MAPKAPK5: variants seen among roughly 807,000 people sequenced by gnomAD.
MAPKAPK5 encodes the protein MAPK activated protein kinase 5, also known as MAP kinase-activated protein kinase 5.
Under a neutral mutation model 65.1 loss-of-function variants are expected in MAPKAPK5, and 30 were observed. The ratio of observed to expected loss-of-function variants is 0.46; its 90% CI spans 0.34 to 0.63. The LOEUF (loss-of-function observed/expected upper bound fraction) is 0.63. MAPKAPK5 is among the 20% of genes least tolerant of loss of function. The pLI, the probability that MAPKAPK5 is intolerant of heterozygous loss-of-function variation, is 0.01. For synonymous variants in MAPKAPK5, 179 were observed against 204.6 expected (o/e 0.87, Z 1.07); for missense variants, 433 against 581.4 (o/e 0.74, Z 2.63).
intron 1 of MAPKAPK5, among the ~76,000 whole-genome samples, chr12:111,859,033 T>C (rs1382507680): frequency 5.4e-5 from 8 of 147,846 alleles, no homozygotes; most frequent in African/African-American, 2.0e-4. Flanking sequence ...AACTACTTGC[T>C]CAATCTAGTA....
intron 1 of MAPKAPK5, among the ~76,000 whole-genome samples, chr12:111,853,161 C>T (rs748618747): frequency 3.3e-5 from 5 of 151,658 alleles, no homozygotes; most frequent in Admixed American, 6.6e-5. Flanking sequence ...GTCAGGGGAT[C>T]GAGTCCATCC....
At chr12:111,889,093 T>C (rs2070514755) in intron 12 of MAPKAPK5, 93 bp downstream of exon 12, 1 of 1,378,804 alleles carries the variant, frequency 7.3e-7, no homozygotes, top group African/African-American at 1.4e-5. Context: ...GCAAAAGGAA[T>C]GGTTTAATTT....
chr12:111,884,039 A>G (rs1246288669), intron 9 of MAPKAPK5, among the ~76,000 whole-genome samples: 1 of 152,154 alleles, frequency 6.6e-6, no homozygotes, highest in Non-Finnish European at 1.5e-5. Context: ...CATTAATTCA[A>G]GACCCTAAAT....
chr12:111,873,759 G>T (rs567301266), intron 7 of MAPKAPK5, among the ~76,000 whole-genome samples: 2 of 152,226 alleles, frequency 1.3e-5, no homozygotes, highest in South Asian at 4.1e-4. Context: ...CATTATTGTA[G>T]CTTTATATTA....
At chr12:111,879,985 C>T in intron 7 of MAPKAPK5, 1 of 202,030 alleles carries the variant, frequency 4.9e-6, no homozygotes, top group East Asian at 1.1e-4. Flanking sequence ...AGTTCCTCCT[C>T]ATGGGACATT....
chr12:111,870,189 T>G, intron 5 of MAPKAPK5, 82 bp from the exon 6 acceptor site: 1 of 879,480 alleles, frequency 1.1e-6, no homozygotes, highest in Non-Finnish European at 1.7e-6. Context: ...GCTTGTTTTT[T>G]GACATCCTGA....
intron 1 of MAPKAPK5, among the ~76,000 whole-genome samples, chr12:111,862,171 G>C (rs2069462181): frequency 1.3e-5 from 2 of 152,176 alleles, no homozygotes; most frequent in Non-Finnish European, 2.9e-5. Context: ...TTTTGGCCCA[G>C]TTGGGCTCAG....
chr12:111,884,152 C>T (rs993307802), intron 9 of MAPKAPK5, among the ~76,000 whole-genome samples: 7 of 152,282 alleles, frequency 4.6e-5, no homozygotes, highest in East Asian at 1.9e-4. Flanking sequence ...CAAACAGCAT[C>T]CTTGGATGCT....
In MAPKAPK5 at chr12:111,888,990, C is replaced by A; in HGVS notation, c.1206C>A (p.Leu402=). 6.3e-7 allele frequency: 1 copy of A among 1,582,340 alleles called. No homozygotes were observed. The highest frequency in any genetic ancestry group is 8.6e-7 in the Non-Finnish European group (1 of 1,163,776). ...KLRDVIAQCI[L]PQAGENEDEK... is the part of the protein sequence containing the mutation. ...GAGATGTGATTGCTCAGTGTATTCTCCCCCAGGCTGGTAAAGGTCACACCA... is the reference window on the plus strand; with the variant it reads ...GAGATGTGATTGCTCAGTGTATTCTACCCCAGGCTGGTAAAGGTCACACCA... The change falls in exon 12 of 14, where the codon CTC becomes CTA. Residue 402 remains leucine (L), a synonymous_variant. Coordinates refer to ENST00000550735, the MANE Select transcript of MAPKAPK5 (RefSeq NM_003668.4).
rs754301218 is a variant in MAPKAPK5, at chr12:111,871,188, T to C, written c.579+8T>C. ...TATTATGTAGCACCCCAGGTAAGCA[T>C]GTGCGGTTTCTGTCCTAAGATCTGT... On this transcript the variant is annotated splice_region_variant and intron_variant, in intron 7 of 13. Coordinates refer to ENST00000550735, the MANE Select transcript of MAPKAPK5 (RefSeq NM_003668.4). 1.2e-6 allele frequency: 2 copies of C among 1,611,508 alleles called. No individual in the cohort carries two copies. Among genetic ancestry groups the C allele is most frequent in the Non-Finnish European group, 1.7e-6 (2 of 1,178,236 alleles).
At chr12:111,875,987 C>G (rs2069949452) in intron 7 of MAPKAPK5, among the ~76,000 whole-genome samples, 1 of 152,014 alleles carries the variant, frequency 6.6e-6, no homozygotes, top group Admixed American at 6.6e-5. Context: ...GGGTGGATCA[C>G]TTGAGGTCAG....
At chr12:111,844,865 G>A (rs2068856393) in intron 1 of MAPKAPK5, among the ~76,000 whole-genome samples, 1 of 152,210 alleles carries the variant, frequency 6.6e-6, no homozygotes, top group African/African-American at 2.4e-5. Context: ...GTAGAAGCAG[G>A]TGTAGTGTGA....
At chr12:111,869,399 G>A (rs532511698) in intron 5 of MAPKAPK5, among the ~76,000 whole-genome samples, 1 of 152,222 alleles carries the variant, frequency 6.6e-6, no homozygotes, top group Admixed American at 6.5e-5. Context: ...AATGATTTAT[G>A]TCACAAACAA....
At chr12:111,843,668 A>C (rs111950630) in intron 1 of MAPKAPK5, among the ~76,000 whole-genome samples, 2 of 152,372 alleles carry the variant, frequency 1.3e-5, no homozygotes, top group African/African-American at 4.8e-5. Context: ...GACAGTTACT[A>C]GTAATGATTA....
At chr12:111,865,864 T>C (rs577903079) in intron 2 of MAPKAPK5, among the ~76,000 whole-genome samples, 2 of 140,622 alleles carry the variant, frequency 1.4e-5, no homozygotes, top group Admixed American at 7.1e-5. Context: ...AAAAAGGGTG[T>C]CGAGACTGTG....
rs1055919552 is a variant in MAPKAPK5 at position 111,900,049 on chromosome 12, T to C, written c.*6988T>C. 8.8e-6 allele frequency: 4 copies of C among 455,924 alleles called. No homozygotes were observed. The highest frequency in any genetic ancestry group is 1.5e-5 in the South Asian group (1 of 64,562). The allele number at this position is 455,924 out of a possible 1,614,324, so 28.2% of individuals were successfully genotyped here. ...ACGGTCCAGACAGTAGTGGATGTCA[T>C]TGCTCTGGCCAACAGCTTCACTAGG... On this transcript the variant is annotated 3_prime_UTR_variant, in exon 14 of 14. Coordinates refer to ENST00000550735, the MANE Select transcript of MAPKAPK5 (RefSeq NM_003668.4).
At chr12:111,879,648 A>G (rs1054519356) in intron 7 of MAPKAPK5, 1 of 152,304 alleles carries the variant, frequency 6.6e-6, no homozygotes, top group African/African-American at 2.4e-5. Flanking sequence ...TTGGCTTCCC[A>G]AAGTGCTGGG....
intron 1 of MAPKAPK5, among the ~76,000 whole-genome samples, chr12:111,848,526 G>A (rs1019622981): frequency 8.0e-5 from 12 of 150,424 alleles, no homozygotes; most frequent in African/African-American, 2.7e-4. Flanking sequence ...TGATTCTCCC[G>A]TCTCAGCCTC....
Position 111,885,599 on chromosome 12 carries a change from A to G in MAPKAPK5, c.849-317A>G, listed in dbSNP as rs994706472. The G allele has an allele frequency of 1.3e-5, 3 of 233,814 alleles. No individual in the cohort carries two copies. The East Asian group carries it at 2.7e-4, about 21-fold the overall frequency. The allele number at this position is 233,814 out of a possible 1,614,324, so 14.5% of individuals were successfully genotyped here. On this transcript the variant is annotated intron_variant, in intron 9 of 13. Coordinates refer to ENST00000550735, the MANE Select transcript of MAPKAPK5 (RefSeq NM_003668.4). ...AGCCCATTGTCCTAGAAACCTCAGT[A>G]TGGAGATTCAAGGTCTGAGGAACTA... is the stretch of plus-strand genomic sequence containing the variant.
Sources: gnomAD v4.1 joint callset for allele counts (sites outside exome capture counted in the v4.1 genomes callset) on GRCh38, gnomAD v4.1.1 for gene constraint, MANE v1.5 for transcripts, NCBI Gene and HGNC (gene_info 2026-07-23, HGNC 2026-07-21) for gene names.